Variants in BMPER observed in about 807,000 individuals in gnomAD.
The protein encoded by BMPER is BMP-binding endothelial regulator protein.
In BMPER, 45 loss-of-function variants were observed where a neutral mutation model predicts 87.3. That is an observed-to-expected ratio of 0.52 (90% CI 0.41 to 0.66). The LOEUF (loss-of-function observed/expected upper bound fraction) is 0.66. BMPER is among the 30% of genes least tolerant of loss of function. The pLI is 0.00. For missense variants in BMPER, 784 were observed against 867.5 expected (o/e 0.90, Z 1.21); for synonymous variants, 326 against 316.2 (o/e 1.03, Z -0.33).
At chr7:34,106,054 C>T (rs1012359303) in intron 13 of BMPER, among the ~76,000 whole-genome samples, 4 of 152,164 alleles carry the variant, frequency 2.6e-5, no homozygotes, top group Non-Finnish European at 5.9e-5. Flanking sequence ...GTCAGGAGCT[C>T]GTCTCAGTCC....
chr7:34,115,655 C>T (rs900609765), intron 13 of BMPER, among the ~76,000 whole-genome samples: 1 of 152,172 alleles, frequency 6.6e-6, no homozygotes, highest in Admixed American at 6.5e-5. Flanking sequence ...CATATTGTAG[C>T]ATGTATCAGT....
rs1472989593 is a variant in BMPER, at chr7:34,051,948, A to T, written c.764A>T (p.Asn255Ile). 6.2e-7 allele frequency: 1 copy of T among 1,613,716 alleles called. No homozygotes were observed. Among genetic ancestry groups the T allele is most frequent in the Non-Finnish European group, 8.5e-7 (1 of 1,179,624 alleles). The stretch of plus-strand genomic sequence containing the variant: ...AATGGATCCTCATTTCTGTACGATA[A>T]CTGCACAGCTTGTACCTGCAGGGTA... ...YDNGSSFLYDNCTACTCRDST... is the reference protein window; with the variant it reads ...YDNGSSFLYDICTACTCRDST... Residue 255 changes from asparagine to isoleucine, a missense_variant, in exon 8 of 15, where the codon AAC (asparagine) becomes ATC (isoleucine). Physicochemically the swap from Asn to Ile is moderately radical, Grantham distance 149. Transcript: ENST00000649409.
At chr7:34,051,147 C>T (rs923875140) in intron 7 of BMPER, among the ~76,000 whole-genome samples, 2 of 152,084 alleles carry the variant, frequency 1.3e-5, no homozygotes, top group Non-Finnish European at 2.9e-5. Flanking sequence ...CTCTCTGGAG[C>T]CTCTTTTATA....
At chr7:33,944,382 A>G (rs1467928174) in intron 3 of BMPER, among the ~76,000 whole-genome samples, 1 of 151,970 alleles carries the variant, frequency 6.6e-6, no homozygotes, top group Non-Finnish European at 1.5e-5. Context: ...GGCCAGGCTC[A>G]TTTCCAACTC....
intron 13 of BMPER, among the ~76,000 whole-genome samples, chr7:34,096,862 C>T (rs751806693): frequency 6.6e-6 from 1 of 152,060 alleles, no homozygotes; most frequent in Non-Finnish European, 1.5e-5. Context: ...CACATCTTAC[C>T]TATTACCAAA....
At chr7:33,938,182 C>T (rs922380714) in intron 3 of BMPER, among the ~76,000 whole-genome samples, 2 of 152,144 alleles carry the variant, frequency 1.3e-5, no homozygotes, top group African/African-American at 4.8e-5. Flanking sequence ...GTGTCAATAG[C>T]GCTTCACAGT....
intron 13 of BMPER, among the ~76,000 whole-genome samples, chr7:34,139,247 G>C (rs769572008): frequency 2.0e-5 from 3 of 152,162 alleles, no homozygotes; most frequent in Non-Finnish European, 2.9e-5. Context: ...ACAAGTGTGA[G>C]GGCAACGCAA....
Position 33,937,506 on chromosome 7 carries a change from G to A in BMPER, c.319+118G>A, listed in dbSNP as rs1039333053. 36 of 965,910 alleles carry A rather than the reference G, an allele frequency of 3.7e-5. No individual in the cohort carries two copies. The African/African-American group carries it at 5.2e-4, about 14-fold the overall frequency. The allele number at this position is 965,910 out of a possible 1,614,324, so 59.8% of individuals were successfully genotyped here. ...CTGGGGTGCACATGGGTGGGGAGGA[G>A]AAGTAGGGTGTGTGTGTGTGTGTGT... On this transcript the variant is annotated intron_variant, in intron 3 of 14. Coordinates refer to ENST00000649409, the MANE Select transcript of BMPER (RefSeq NM_001365308.1).
chr7:34,130,936 G>T (rs905127173), intron 13 of BMPER, among the ~76,000 whole-genome samples: 2 of 152,172 alleles, frequency 1.3e-5, no homozygotes, highest in African/African-American at 4.8e-5. Flanking sequence ...TGCTGTCTTT[G>T]CCACTTATTA....
At chr7:33,936,750 GCT>G in intron 2 of BMPER, among the ~76,000 whole-genome samples, 1 of 152,120 alleles carries the variant, frequency 6.6e-6, no homozygotes, top group Non-Finnish European at 1.5e-5. Context: ...CCATGTCTCT[GCT>G]TGGCATGTAG....
chr7:33,992,475 T>A (rs1374375024), intron 6 of BMPER, among the ~76,000 whole-genome samples: 1 of 146,686 alleles, frequency 6.8e-6, no homozygotes, highest in African/African-American at 2.5e-5. Flanking sequence ...GCTTGGTAGA[T>A]CTTCCTCCAT....
At chr7:34,113,276 T>C (rs1790027792) in intron 13 of BMPER, among the ~76,000 whole-genome samples, 3 of 151,992 alleles carry the variant, frequency 2.0e-5, no homozygotes, top group African/African-American at 2.4e-5. Flanking sequence ...TATTTTTCCC[T>C]TTGCCATTTG....
chr7:34,072,834 A>G lies in BMPER; in HGVS notation c.1079-6023A>G, dbSNP rs975211761. ...CTGATTTAGCTTTTTGATTTTAACA[A>G]TAATTTTTAGTAGGGTAGGTTATCC... On this transcript the variant is annotated intron_variant, in intron 11 of 14. Transcript: ENST00000649409. 2.6e-5 allele frequency among the ~76,000 whole-genome samples: 4 copies of G among 152,154 alleles called. No homozygotes were observed. The East Asian group carries it at 7.7e-4, about 29-fold the overall frequency.
intron 6 of BMPER, among the ~76,000 whole-genome samples, chr7:34,029,338 C>T (rs1466984076): frequency 6.6e-6 from 1 of 152,024 alleles, no homozygotes; most frequent in African/African-American, 2.4e-5. Flanking sequence ...TTAATTTCAG[C>T]GTTGGGGGAC....
intron 9 of BMPER, among the ~76,000 whole-genome samples, 196 bp downstream of exon 9, chr7:34,055,499 G>T (rs955826589): frequency 2.6e-5 from 4 of 152,070 alleles, no homozygotes; most frequent in African/African-American, 9.7e-5. Context: ...GTGCAGATAG[G>T]GGCAGAGAAT....
At chr7:34,039,603 T>TAC (rs56214614) in intron 6 of BMPER, among the ~76,000 whole-genome samples, 18,682 of 142,536 alleles carry the variant, frequency 0.13, 1,279 homozygotes, top group Non-Finnish European at 0.17. Flanking sequence ...GACACACAAA[T>TAC]ACACACACAC....
rs79619753 is a variant in BMPER, at chr7:33,983,886, T to G, written c.576+9102T>G. Among the ~76,000 whole-genome samples the G allele has an allele frequency of 7.8e-3, 1,195 of 152,260 alleles. 11 individuals carry two copies. Among genetic ancestry groups the G allele is most frequent in the African/African-American group, 0.027 (1,128 of 41,534 alleles). ...AAACCCAAATCTGGTACAAGAAATA[T>G]TGACACAATAAAAGAATAAATTACA... On this transcript the variant is annotated intron_variant, in intron 6 of 14. Coordinates refer to ENST00000649409, the MANE Select transcript of BMPER (RefSeq NM_001365308.1).
rs1043025604 is a variant in BMPER, at chr7:33,940,904, A to G, written c.319+3516A>G. The stretch of plus-strand genomic sequence containing the variant: ...TTTATATATAATAGAATTTATATAT[A>G]TTACATATTGTATATATTTATATAT... On this transcript the variant is annotated intron_variant, in intron 3 of 14. Transcript: ENST00000649409. 5.1e-5 allele frequency among the ~76,000 whole-genome samples: 7 copies of G among 136,104 alleles called. 1 individual carries two copies. In the South Asian group the frequency reaches 8.5e-4, roughly 17 times the overall value. 89.3% of individuals were successfully genotyped at this position (136,104 alleles called of 152,430 possible).
Position 34,121,646 on chromosome 7 carries a change from T to C in BMPER, c.1746-21584T>C, listed in dbSNP as rs1437872302. Among the ~76,000 whole-genome samples, 3 of 152,214 alleles carry C rather than the reference T, an allele frequency of 2.0e-5. No individual in the cohort carries two copies. The East Asian group carries it at 5.8e-4, about 29-fold the overall frequency. On this transcript the variant is annotated intron_variant, in intron 13 of 14. Transcript: ENST00000649409. Reference sequence around the variant, plus strand: ...TGCGTATGAGGATGAAATATAAATCTACTGTTATTATTGACTTGACTCTGA... The same window carrying C: ...TGCGTATGAGGATGAAATATAAATCCACTGTTATTATTGACTTGACTCTGA...
Sources: gnomAD v4.1 joint callset for allele counts (sites outside exome capture counted in the v4.1 genomes callset) on GRCh38, gnomAD v4.1.1 for gene constraint, MANE v1.5 for transcripts, NCBI Gene and HGNC (gene_info 2026-07-23, HGNC 2026-07-21) for gene names.